Variants in SEPTIN9 observed in about 807,000 individuals in gnomAD.
SEPTIN9 encodes the protein septin-9.
SEPTIN9 carries 13 observed loss-of-function variants against 56.6 expected under a neutral mutation model. The observed-to-expected ratio is 0.23, with a 90% CI of 0.15 to 0.37. The LOEUF is 0.37. SEPTIN9 is among the 10% of genes least tolerant of loss of function. SEPTIN9 has a pLI of 1.00. For missense variants in SEPTIN9, 650 were observed against 823.1 expected, an observed-to-expected ratio of 0.79 and a Z score of 2.57; for synonymous variants, 332 against 334.1, an observed-to-expected ratio of 0.99 and a Z score of 0.07.
intron 1 of SEPTIN9, among the ~76,000 whole-genome samples, chr17:77,304,319 G>A (rs2063197): frequency 0.18 from 27,883 of 152,154 alleles, 3,156 homozygotes; most frequent in African/African-American, 0.31. Flanking sequence ...CCAGGCACCA[G>A]ATGCCCATTT....
chr17:77,320,260 G>A, intron 2 of SEPTIN9: 1 of 1,611,804 alleles, frequency 6.2e-7, no homozygotes, highest in Non-Finnish European at 8.5e-7. Context: ...CGACGGGGGT[G>A]AGAAAGGGGA....
In SEPTIN9 at chr17:77,492,949, G is replaced by C. The variant is rs374831318; in HGVS notation, c.1477-31G>C. Reference sequence around the variant, plus strand: ...GGGAGGGAATTGCCTTCCCGCACATGTGTAACCAATACCGTCTGCCCGTTC... The same window carrying C: ...GGGAGGGAATTGCCTTCCCGCACATCTGTAACCAATACCGTCTGCCCGTTC... On this transcript the variant is annotated intron_variant, in intron 9 of 11. Coordinates refer to ENST00000427177, the MANE Select transcript of SEPTIN9 (RefSeq NM_001113491.2). The surrounding 1 kb of genome is among the most constrained non-coding windows in gnomAD (Gnocchi z 5.4). The C allele has an allele frequency of 2.6e-6, 4 of 1,547,962 alleles. No individual in the cohort carries two copies. Among genetic ancestry groups the C allele is most frequent in the Non-Finnish European group, 2.6e-6 (3 of 1,142,134 alleles).
Position 77,330,068 on chromosome 17 carries a change from G to A in SEPTIN9, c.76+22871G>A, listed in dbSNP as rs922439903. 1.3e-4 allele frequency among the ~76,000 whole-genome samples: 20 copies of A among 152,192 alleles called. No homozygotes were observed. Among genetic ancestry groups the A allele is most frequent in the South Asian group, 4.1e-4 (2 of 4,828 alleles). On this transcript the variant is annotated intron_variant, in intron 2 of 11. Coordinates refer to ENST00000427177, the MANE Select transcript of SEPTIN9 (RefSeq NM_001113491.2). The surrounding 1 kb of genome is among the most constrained non-coding windows in gnomAD (Gnocchi z 4.4). ...CTGCTTCCTTCCTCTCCCTCGGAAT[G>A]GGGGGTGGACACTCCAAGACTAGCC...
chr17:77,352,985 A>G (rs1020104862), intron 2 of SEPTIN9, among the ~76,000 whole-genome samples: 1 of 152,222 alleles, frequency 6.6e-6, no homozygotes, highest in Non-Finnish European at 1.5e-5. Flanking sequence ...CATTGGATTT[A>G]GGGCCCACTC....
chr17:77,484,924 T>C (rs1337664715), intron 4 of SEPTIN9, among the ~76,000 whole-genome samples: 1 of 94,460 alleles, frequency 1.1e-5, no homozygotes, highest in Non-Finnish European at 2.1e-5. Flanking sequence ...TGGTGGTGAT[T>C]GTGATGGTGG....
At chr17:77,420,264 C>G (rs114138947) in intron 3 of SEPTIN9, among the ~76,000 whole-genome samples, 5,639 of 152,294 alleles carry the variant, frequency 0.037, 305 homozygotes, top group African/African-American at 0.12. Flanking sequence ...GCGGGCCGGA[C>G]AGCCCGGCTC....
intron 2 of SEPTIN9, chr17:77,373,652 G>T (rs1051284940): frequency 1.1e-5 from 16 of 1,480,936 alleles, no homozygotes; most frequent in Admixed American, 8.6e-5. Flanking sequence ...AGACGGGAGT[G>T]CGCTGAGGGG....
rs114117893 is a variant in SEPTIN9, at chr17:77,371,735, C to G, written c.77-30324C>G. Among the ~76,000 whole-genome samples, 1 of 152,190 alleles carries G rather than the reference C, an allele frequency of 6.6e-6. No individual in the cohort carries two copies. Among genetic ancestry groups the G allele is most frequent in the Admixed American group, 6.5e-5 (1 of 15,286 alleles). ...CAGCAATGGCTGCATTTCTGAAACC[C>G]GGGCTCCCAGGCCGACGAGGGTGTG... On this transcript the variant is annotated intron_variant, in intron 2 of 11. Coordinates refer to ENST00000427177, the MANE Select transcript of SEPTIN9 (RefSeq NM_001113491.2). This position sits in a 1 kb window ranked among gnomAD's most constrained non-coding sequence, Gnocchi z 4.1.
rs541206858 is a variant in SEPTIN9, at chr17:77,475,320, G to A, written c.722-6824G>A. ...AGCGGGGAGGGCAAGCCCTGGTTGC[G>A]AGGCAGGGCTTCCCCAGGATTCAGC... On this transcript the variant is annotated intron_variant, in intron 3 of 11. Coordinates refer to ENST00000427177, the MANE Select transcript of SEPTIN9 (RefSeq NM_001113491.2). The surrounding 1 kb of genome is among the most constrained non-coding windows in gnomAD (Gnocchi z 4.6). 5.1e-5 allele frequency: 73 copies of A among 1,425,288 alleles called. No homozygotes were observed. The highest frequency in any genetic ancestry group is 1.4e-4 in the African/African-American group (10 of 69,662). 88.3% of individuals were successfully genotyped at this position (1,425,288 alleles called of 1,614,324 possible).
At position 77,498,543 on chromosome 17, in the gene SEPTIN9, A is replaced by T. The variant is rs1256177190; in HGVS notation, c.1646A>T (p.Lys549Met). 7.3e-7 allele frequency: 1 copy of T among 1,379,226 alleles called. No individual in the cohort carries two copies. Among genetic ancestry groups the T allele is most frequent in the Non-Finnish European group, 9.8e-7 (1 of 1,020,312 alleles). The allele number at this position is 1,379,226 out of a possible 1,614,324, so 85.4% of individuals were successfully genotyped here. The change falls in exon 12 of 12, where the codon AAG (lysine) becomes ATG (methionine). Residue 549 changes from lysine (K) to methionine (M), a missense_variant. This residue lies in a region of SEPTIN9 where 333 missense variants were observed against 494.0 expected (regional missense o/e 0.67). Coordinates refer to ENST00000427177, the MANE Select transcript of SEPTIN9 (RefSeq NM_001113491.2). ...CACAGGACGCACATGCAGAACATCAAGGACATCACCAGCAGCATCCACTTC... is the reference window on the plus strand; with the variant it reads ...CACAGGACGCACATGCAGAACATCATGGACATCACCAGCAGCATCCACTTC... ...LLIRTHMQNIKDITSSIHFEA... is the reference protein window; with the variant it reads ...LLIRTHMQNIMDITSSIHFEA...
At chr17:77,447,712 C>A (rs2037795382) in intron 3 of SEPTIN9, among the ~76,000 whole-genome samples, 1 of 152,248 alleles carries the variant, frequency 6.6e-6, no homozygotes, top group Non-Finnish European at 1.5e-5. Flanking sequence ...GCAACCTCCT[C>A]CTCCCGGGTT....
chr17:77,296,168 G>A (rs1598479300), intron 1 of SEPTIN9, among the ~76,000 whole-genome samples: 1 of 152,098 alleles, frequency 6.6e-6, no homozygotes, highest in Non-Finnish European at 1.5e-5. Context: ...GGGCCTCGCC[G>A]GGAACTAACC....
intron 10 of SEPTIN9, among the ~76,000 whole-genome samples, chr17:77,495,398 G>C (rs1367125929): frequency 6.6e-6 from 1 of 152,194 alleles, no homozygotes; most frequent in Non-Finnish European, 1.5e-5. Context: ...GGACTAGTAA[G>C]GGCTGTGCCT....
chr17:77,416,411 C>T (rs946607847), intron 3 of SEPTIN9, among the ~76,000 whole-genome samples: 1 of 152,214 alleles, frequency 6.6e-6, no homozygotes, highest in Admixed American at 6.5e-5. Flanking sequence ...GGTGCTGAGC[C>T]CCCGGCCCTC....
chr17:77,282,654 C>A (rs61448550), intron 1 of SEPTIN9, among the ~76,000 whole-genome samples: 1,578 of 152,270 alleles, frequency 0.01, 29 homozygotes, highest in African/African-American at 0.035. Flanking sequence ...CCCGAAAATA[C>A]CCTTCTGGGT....
At chr17:77,283,695 G>A (rs893434356) in intron 1 of SEPTIN9, among the ~76,000 whole-genome samples, 2 of 152,194 alleles carry the variant, frequency 1.3e-5, no homozygotes, top group African/African-American at 2.4e-5. Flanking sequence ...CCATAATGTT[G>A]TTCCCGGTAG....
At chr17:77,431,247 G>A (rs1478899909) in intron 3 of SEPTIN9, among the ~76,000 whole-genome samples, 1 of 152,000 alleles carries the variant, frequency 6.6e-6, no homozygotes, top group African/African-American at 2.4e-5. Flanking sequence ...GTTTGAGGCT[G>A]CAGTGAGCTA....
chr17:77,433,897 G>A lies in SEPTIN9; in HGVS notation c.721+31194G>A, dbSNP rs1330139555. ...CATATGGTCCTAATTAGGACCTTCC[G>A]CCCGTTGGTGGATGGGCAGAGAGGG... On this transcript the variant is annotated intron_variant, in intron 3 of 11. Coordinates refer to ENST00000427177, the MANE Select transcript of SEPTIN9 (RefSeq NM_001113491.2). The surrounding 1 kb of genome is among the most constrained non-coding windows in gnomAD (Gnocchi z 6.4). Among the ~76,000 whole-genome samples the A allele has an allele frequency of 2.6e-5, 4 of 152,110 alleles. No homozygotes were observed. The highest frequency in any genetic ancestry group is 2.9e-5 in the Non-Finnish European group (2 of 68,022).
At chr17:77,486,487 GGTGTGTGTGTGT>G (rs773025304) in intron 4 of SEPTIN9, among the ~76,000 whole-genome samples, 16 of 143,742 alleles carry the variant, frequency 1.1e-4, no homozygotes, top group East Asian at 1.0e-3. Context: ...AGTCTGGAGG[GGTGTGTGTGTGT>G]GTGTGTGTGT....
Sources: gnomAD v4.1 joint callset for allele counts (sites outside exome capture counted in the v4.1 genomes callset) on GRCh38, gnomAD v4.1.1 for gene constraint, gnomAD v4.1.1 regional missense constraint, Gnocchi (gnomAD v3.1) non-coding constraint, MANE v1.5 for transcripts, NCBI Gene and HGNC (gene_info 2026-07-23, HGNC 2026-07-21) for gene names.